The following NOX4 variants were observed in gnomAD, a reference collection of about 807,000 sequenced individuals.
NOX4 encodes kidney oxidase-1.
A neutral mutation model predicts 87.6 loss-of-function variants in NOX4; 69 were observed. The ratio of observed to expected loss-of-function variants is 0.79; its 90% CI spans 0.65 to 0.96. NOX4 has a LOEUF of 0.96. NOX4 is among the 40% of genes least tolerant of loss of function. NOX4 has a pLI of 0.00. For synonymous variants in NOX4, 275 were observed against 238.2 expected, an observed-to-expected ratio of 1.15 and a Z score of -1.42; for missense variants, 680 against 681.5, an observed-to-expected ratio of 1.00 and a Z score of 0.02.
chr11:89,349,467 T>C (rs949272497), intron 13 of NOX4, among the ~76,000 whole-genome samples: 11 of 152,134 alleles, frequency 7.2e-5, no homozygotes, highest in African/African-American at 2.7e-4. Context: ...GAACAGACTA[T>C]GGAAAGGTCA....
At chr11:89,518,717 T>C in the NOX4 span, among the ~76,000 whole-genome samples, 1 of 152,012 alleles carries the variant, frequency 6.6e-6, no homozygotes, top group African/African-American at 2.4e-5. Flanking sequence ...AGTTGTATGG[T>C]ATAATAAAAG....
chr11:89,570,566 G>A, the NOX4 span, among the ~76,000 whole-genome samples: 1 of 152,170 alleles, frequency 6.6e-6, no homozygotes, highest in African/African-American at 2.4e-5. Flanking sequence ...CAAATACTGT[G>A]GCTTATGACT....
At chr11:89,431,463 A>G (rs1943777673) in intron 7 of NOX4, among the ~76,000 whole-genome samples, 1 of 152,216 alleles carries the variant, frequency 6.6e-6, no homozygotes, top group Admixed American at 6.5e-5. Flanking sequence ...TATCTGACAA[A>G]GGGCTAATAT....
At chr11:89,479,090 C>T (rs1946285524) in intron 2 of NOX4, among the ~76,000 whole-genome samples, 1 of 151,786 alleles carries the variant, frequency 6.6e-6, no homozygotes, top group African/African-American at 2.4e-5. Context: ...CCTAAGTATT[C>T]TCAATAGGTG....
intron 2 of NOX4, among the ~76,000 whole-genome samples, chr11:89,460,266 C>G (rs1272583251): frequency 2.0e-5 from 3 of 152,178 alleles, no homozygotes; most frequent in African/African-American, 7.2e-5. Flanking sequence ...GACTTCATGT[C>G]TAAAACACCA....
At chr11:89,431,708 C>T (rs911923836) in intron 7 of NOX4, among the ~76,000 whole-genome samples, 1 of 152,088 alleles carries the variant, frequency 6.6e-6, no homozygotes, top group Non-Finnish European at 1.5e-5. Context: ...ACAACAGGTG[C>T]TGGAGAGGAT....
At chr11:89,572,042 C>A in the NOX4 span, among the ~76,000 whole-genome samples, 1 of 152,174 alleles carries the variant, frequency 6.6e-6, no homozygotes, top group African/African-American at 2.4e-5. Context: ...TGCCTCCGCC[C>A]CCCTCAAGTA....
chr11:89,418,107 G>C (rs1245447246), intron 8 of NOX4, among the ~76,000 whole-genome samples: 1 of 151,946 alleles, frequency 6.6e-6, no homozygotes, highest in African/African-American at 2.4e-5. Flanking sequence ...ATGAAAACCA[G>C]GTTAAGCCAA....
At chr11:89,578,103 C>G in the NOX4 span, among the ~76,000 whole-genome samples, 1 of 150,456 alleles carries the variant, frequency 6.6e-6, no homozygotes, top group Non-Finnish European at 1.5e-5. Flanking sequence ...CAAGCTTGCT[C>G]TTTTGGAAGT....
At chr11:89,440,979 A>G in intron 5 of NOX4, among the ~76,000 whole-genome samples, 1 of 152,142 alleles carries the variant, frequency 6.6e-6, no homozygotes, top group East Asian at 1.9e-4. Flanking sequence ...ATTATTCTTA[A>G]TGGTTACCTA....
the NOX4 span, among the ~76,000 whole-genome samples, chr11:89,540,640 T>C: frequency 6.6e-6 from 1 of 151,364 alleles, no homozygotes. Context: ...ACAAAAAAAT[T>C]AGCCGGGCAT....
intron 2 of NOX4, among the ~76,000 whole-genome samples, chr11:89,453,162 C>T (rs550857184): frequency 2.1e-4 from 32 of 152,314 alleles, no homozygotes; most frequent in African/African-American, 7.7e-4. Context: ...AGGCCTATTA[C>T]TAGGCCTATT....
At chr11:89,420,962 T>C (rs1943052564) in intron 8 of NOX4, among the ~76,000 whole-genome samples, 1 of 152,182 alleles carries the variant, frequency 6.6e-6, no homozygotes, top group African/African-American at 2.4e-5. Flanking sequence ...GTTCCCAAGA[T>C]ACAGGTTCCT....
chr11:89,564,034 G>A, the NOX4 span, among the ~76,000 whole-genome samples: 11 of 152,236 alleles, frequency 7.2e-5, no homozygotes, highest in East Asian at 5.8e-4. Flanking sequence ...TGGCAAGGCC[G>A]TTTAGATAAA....
chr11:89,587,613 C>A, the NOX4 span, among the ~76,000 whole-genome samples: 1 of 151,972 alleles, frequency 6.6e-6, no homozygotes, highest in Admixed American at 6.6e-5. Flanking sequence ...TCAAACAGGC[C>A]ATAAACCAAT....
chr11:89,491,112 C>T, intron 1 of NOX4, 78 bp downstream of exon 1: 3 of 1,383,696 alleles, frequency 2.2e-6, no homozygotes, highest in Admixed American at 3.7e-5. Context: ...CAGCTTCCCA[C>T]CCGTGCACGC....
intron 17 of NOX4, among the ~76,000 whole-genome samples, chr11:89,329,611 G>A (rs113106220): frequency 0.014 from 2,136 of 151,936 alleles, 44 homozygotes; most frequent in African/African-American, 0.049. Context: ...CAGACTGGGA[G>A]AAAAGACACA....
intron 17 of NOX4, among the ~76,000 whole-genome samples, chr11:89,330,005 A>G (rs977532528): frequency 6.6e-6 from 1 of 152,090 alleles, no homozygotes; most frequent in African/African-American, 2.4e-5. Context: ...CTAATTTCTA[A>G]TATTTTTAAT....
chr11:89,519,947 C>T, the NOX4 span, among the ~76,000 whole-genome samples: 2 of 152,108 alleles, frequency 1.3e-5, no homozygotes, highest in African/African-American at 4.8e-5. Context: ...CTCTCTCTTT[C>T]TCTCATAATA....
Sources: gnomAD v4.1 joint callset for allele counts (sites outside exome capture counted in the v4.1 genomes callset) on GRCh38, gnomAD v4.1.1 for gene constraint, MANE v1.5 for transcripts, NCBI Gene and HGNC (gene_info 2026-07-23, HGNC 2026-07-21) for gene names.